FHL2: variants seen among roughly 807,000 people sequenced by gnomAD.
FHL2 encodes the protein four and a half LIM domains 2.
In FHL2, 20 loss-of-function variants were observed where a neutral mutation model predicts 32.7. The ratio of observed to expected loss-of-function variants is 0.61; its 90% CI spans 0.43 to 0.89. The LOEUF (loss-of-function observed/expected upper bound fraction) is 0.89, where lower values mean the gene tolerates loss of function less well. Ranked by LOEUF, FHL2 falls within the 40% of genes least tolerant of loss-of-function variation. The pLI is 0.00. For missense variants in FHL2, 311 were observed against 358.6 expected, an observed-to-expected ratio of 0.87 and a Z score of 1.07; for synonymous variants, 123 against 128.1, an observed-to-expected ratio of 0.96 and a Z score of 0.27.
intron 3 of FHL2, among the ~76,000 whole-genome samples, chr2:105,379,595 C>T (rs927362219): frequency 3.3e-5 from 5 of 152,176 alleles, no homozygotes; most frequent in African/African-American, 1.2e-4. Flanking sequence ...TTCCCACTGC[C>T]CTTCCACCTG....
intron 4 of FHL2, among the ~76,000 whole-genome samples, chr2:105,370,851 C>G (rs1681013340): frequency 6.6e-6 from 1 of 152,112 alleles, no homozygotes; most frequent in East Asian, 1.9e-4. Flanking sequence ...GCCATCCAAC[C>G]CAGGGAACAC....
chr2:105,428,908 T>G (rs1426436752), intron 1 of FHL2, among the ~76,000 whole-genome samples: 1 of 152,256 alleles, frequency 6.6e-6, no homozygotes, highest in Non-Finnish European at 1.5e-5. Flanking sequence ...TCATTTTTAC[T>G]TTGTAACCTA....
In FHL2 at chr2:105,398,219, G is replaced by A. The variant is rs1683276710; in HGVS notation, c.-76+623C>T. Among the ~76,000 whole-genome samples the A allele has an allele frequency of 4.6e-5, 7 of 152,262 alleles. No homozygotes were observed. The South Asian group carries it at 1.4e-3, about 32-fold the overall frequency. ...AATATGACTGATTCATTTAAAATCA[G>A]AAAAACACTCAATATTTTCTTCCCT... On this transcript the variant is annotated intron_variant, in intron 1 of 6. Transcript: ENST00000530340.
At chr2:105,428,717 G>C (rs1684335746) in intron 1 of FHL2, among the ~76,000 whole-genome samples, 1 of 152,192 alleles carries the variant, frequency 6.6e-6, no homozygotes, top group Non-Finnish European at 1.5e-5. Flanking sequence ...GGTCACCTGT[G>C]TGCCCGGACC....
chr2:105,423,846 C>T (rs1299232961), intron 1 of FHL2, among the ~76,000 whole-genome samples: 1 of 152,086 alleles, frequency 6.6e-6, no homozygotes, highest in Non-Finnish European at 1.5e-5. Context: ...AAACTGGATC[C>T]CTTCCTTACA....
chr2:105,400,390 G>A (rs1408499958), upstream of FHL2, among the ~76,000 whole-genome samples: 1 of 150,004 alleles, frequency 6.7e-6, no homozygotes, highest in Non-Finnish European at 1.5e-5. Flanking sequence ...ACCCCACTGT[G>A]TCCCTGAAAC....
intron 1 of FHL2, among the ~76,000 whole-genome samples, chr2:105,415,255 G>A (rs1683900309): frequency 6.6e-6 from 1 of 152,236 alleles, no homozygotes; most frequent in Admixed American, 6.5e-5. Context: ...GAAAGTGCAA[G>A]TCATTGTGTG....
chr2:105,394,101 G>T (rs536119191), intron 2 of FHL2, among the ~76,000 whole-genome samples: 25 of 152,266 alleles, frequency 1.6e-4, no homozygotes, highest in African/African-American at 5.3e-4. Context: ...CTGGAAATGT[G>T]CTCAGAGAAT....
intron 1 of FHL2, among the ~76,000 whole-genome samples, chr2:105,415,391 GA>G (rs1683904022): frequency 6.6e-6 from 1 of 152,206 alleles, no homozygotes; most frequent in South Asian, 2.1e-4. Flanking sequence ...AGAATGGAGG[GA>G]GGGGGAAAAT....
intron 1 of FHL2, among the ~76,000 whole-genome samples, chr2:105,437,623 T>C (rs1028031586): frequency 6.6e-6 from 1 of 152,236 alleles, no homozygotes; most frequent in African/African-American, 2.4e-5. Context: ...CTGACAACTT[T>C]ATTTTTCTTT....
At chr2:105,408,289 T>C (rs1462898420) in intron 1 of FHL2, among the ~76,000 whole-genome samples, 2 of 152,224 alleles carry the variant, frequency 1.3e-5, no homozygotes, top group Non-Finnish European at 2.9e-5. Context: ...GTATTTTGGA[T>C]GTATAAATAT....
At chr2:105,370,254 G>A (rs1680950986) in intron 4 of FHL2, among the ~76,000 whole-genome samples, 2 of 151,986 alleles carry the variant, frequency 1.3e-5, no homozygotes, top group African/African-American at 2.4e-5. Context: ...GTGTGCCTGA[G>A]GTCCTAGACA....
At chr2:105,422,136 C>A (rs1684123676) in intron 1 of FHL2, among the ~76,000 whole-genome samples, 1 of 152,158 alleles carries the variant, frequency 6.6e-6, no homozygotes, top group South Asian at 2.1e-4. Flanking sequence ...CGTTGTGGAC[C>A]AGAAAGGAAA....
At chr2:105,402,191 G>A (rs1354229975), upstream of FHL2, among the ~76,000 whole-genome samples, 1 of 148,770 alleles carries the variant, frequency 6.7e-6, no homozygotes, top group Non-Finnish European at 1.5e-5. Flanking sequence ...ATGTATATAT[G>A]TATATATATG....
chr2:105,413,970 C>A (rs1429082062), intron 1 of FHL2, among the ~76,000 whole-genome samples: 2 of 152,168 alleles, frequency 1.3e-5, no homozygotes, highest in Non-Finnish European at 2.9e-5. Flanking sequence ...GGGCTCAGTC[C>A]CACAAGACTG....
upstream of FHL2, chr2:105,399,113 A>G: frequency 7.0e-7 from 1 of 1,428,960 alleles, no homozygotes; most frequent in Non-Finnish European, 9.1e-7. Context: ...ATATAAGGAG[A>G]TGCACGCCTC....
At chr2:105,411,558 T>G (rs975603684) in intron 1 of FHL2, among the ~76,000 whole-genome samples, 2 of 148,776 alleles carry the variant, frequency 1.3e-5, no homozygotes, top group Non-Finnish European at 3.0e-5. Context: ...TTTTTTTTTT[T>G]TTTTTTGACT....
intron 2 of FHL2, among the ~76,000 whole-genome samples, chr2:105,392,636 A>G (rs1372305757): frequency 6.6e-6 from 1 of 152,164 alleles, no homozygotes; most frequent in East Asian, 1.9e-4. Context: ...TTCAGATTCA[A>G]AAACTGTAAA....
chr2:105,400,934 C>A (rs1683443531), upstream of FHL2, among the ~76,000 whole-genome samples: 1 of 151,762 alleles, frequency 6.6e-6, no homozygotes, highest in Non-Finnish European at 1.5e-5. Context: ...TCAGTAAAAT[C>A]CGGACTCTGG....
Sources: gnomAD v4.1 joint callset for allele counts (sites outside exome capture counted in the v4.1 genomes callset) on GRCh38, gnomAD v4.1.1 for gene constraint, MANE v1.5 for transcripts, NCBI Gene and HGNC (gene_info 2026-07-23, HGNC 2026-07-21) for gene names.